The following AMBRA1 variants were observed in gnomAD, a reference collection of about 807,000 sequenced individuals.
The protein encoded by AMBRA1 is activating molecule in BECN1-regulated autophagy protein 1.
Under a neutral mutation model 125.4 loss-of-function variants are expected in AMBRA1, and 47 were observed. The observed-to-expected ratio is 0.37, with a 90% CI of 0.30 to 0.48. The LOEUF (loss-of-function observed/expected upper bound fraction) is 0.48. AMBRA1 is among the 20% of genes least tolerant of loss of function. The pLI, the probability that AMBRA1 is intolerant of heterozygous loss-of-function variation, is 0.99. For synonymous variants in AMBRA1, 626 were observed against 655.5 expected, an observed-to-expected ratio of 0.95 and a Z score of 0.69; for missense variants, 1,331 against 1,693.4, an observed-to-expected ratio of 0.79 and a Z score of 3.76.
intron 14 of AMBRA1, among the ~76,000 whole-genome samples, chr11:46,418,623 T>A (rs1040416417): frequency 6.6e-6 from 1 of 151,858 alleles, no homozygotes; most frequent in Admixed American, 6.6e-5. Flanking sequence ...ATTGTTCAGT[T>A]CCCACCTATG....
chr11:46,528,995 T>C (rs943357838), intron 7 of AMBRA1, among the ~76,000 whole-genome samples: 26 of 152,300 alleles, frequency 1.7e-4, no homozygotes, highest in Non-Finnish European at 1.0e-4. Flanking sequence ...GTTAACAAGC[T>C]GCAATTCTCT....
At chr11:46,593,774 A>G (rs1036570505) in intron 1 of AMBRA1, 54 bp downstream of exon 1, 5 of 392,874 alleles carry the variant, frequency 1.3e-5, no homozygotes, top group Non-Finnish European at 2.2e-5. Context: ...GGTCTTCTCA[A>G]CCCCGCGGCG....
chr11:46,476,250 T>C (rs576712194), intron 11 of AMBRA1, among the ~76,000 whole-genome samples: 1 of 152,214 alleles, frequency 6.6e-6, no homozygotes, highest in African/African-American at 2.4e-5. Flanking sequence ...GTTAGTTCCA[T>C]CCAGTGGCAG....
intron 5 of AMBRA1, 53 bp from the exon 6 acceptor site, chr11:46,544,094 TGAG>T: frequency 7.0e-7 from 1 of 1,424,326 alleles, no homozygotes; most frequent in South Asian, 1.2e-5. Context: ...TTATGTTAAC[TGAG>T]AAGAGGAAAC....
chr11:46,454,579 CAAAAAAAAA>C lies in AMBRA1; in HGVS notation c.2522-10990_2522-10982del, dbSNP rs777518872. Among the ~76,000 whole-genome samples, 373 of 50,494 alleles carry C rather than the reference CAAAAAAAAA, an allele frequency of 7.4e-3. 3 individuals carry two copies. The highest frequency in any genetic ancestry group is 0.016 in the African/African-American group (345 of 21,110). The allele number at this position is 50,494 out of a possible 152,430, so 33.1% of individuals were successfully genotyped here. On this transcript the variant is annotated intron_variant, in intron 11 of 17. Transcript: ENST00000683756. The stretch of plus-strand genomic sequence containing the variant: ...TGAAACCCCATCTCCACTAAAAATA[CAAAAAAAAA>C]AAAAAAAAAAAAATTCTCCGGGCGA...
At chr11:46,462,397 T>C (rs1223748212) in intron 11 of AMBRA1, among the ~76,000 whole-genome samples, 1 of 152,174 alleles carries the variant, frequency 6.6e-6, no homozygotes, top group Non-Finnish European at 1.5e-5. Context: ...ATCTTCCTCT[T>C]TACTCTCCTC....
intron 14 of AMBRA1, among the ~76,000 whole-genome samples, chr11:46,427,339 C>A (rs866370415): frequency 2.6e-5 from 4 of 152,204 alleles, no homozygotes; most frequent in Middle Eastern, 3.4e-3. Flanking sequence ...CAGCAGCAGC[C>A]ATCATTAGTC....
intron 3 of AMBRA1, 125 bp downstream of exon 3, chr11:46,547,692 G>C: frequency 1.1e-6 from 1 of 900,922 alleles, no homozygotes; most frequent in Non-Finnish European, 1.7e-6. Flanking sequence ...CCGACACGGG[G>C]CCAAAGTGCT....
At chr11:46,535,096 C>T (rs1952404068) in intron 7 of AMBRA1, among the ~76,000 whole-genome samples, 1 of 152,180 alleles carries the variant, frequency 6.6e-6, no homozygotes, top group African/African-American at 2.4e-5. Flanking sequence ...AATACTTGTT[C>T]CTCTCTCTTC....
At chr11:46,426,901 G>A (rs1363118822) in intron 14 of AMBRA1, among the ~76,000 whole-genome samples, 1 of 152,020 alleles carries the variant, frequency 6.6e-6, no homozygotes, top group Non-Finnish European at 1.5e-5. Flanking sequence ...ACCCTTCCAG[G>A]ATACAAAAAT....
chr11:46,459,316 G>A (rs1213114875), intron 11 of AMBRA1, among the ~76,000 whole-genome samples: 2 of 152,078 alleles, frequency 1.3e-5, no homozygotes, highest in Non-Finnish European at 2.9e-5. Flanking sequence ...TTGGAAGAGT[G>A]GGAAGAGAAA....
intron 1 of AMBRA1, among the ~76,000 whole-genome samples, chr11:46,571,729 C>G (rs1038287024): frequency 0.042 from 3 of 72 alleles, no homozygotes; most frequent in African/African-American, 0.094. Context: ...CCCTCTGTCG[C>G]CCCAGGCTGG....
chr11:46,493,527 C>CA, intron 11 of AMBRA1, 81 bp downstream of exon 11: 1 of 1,145,484 alleles, frequency 8.7e-7, no homozygotes, highest in Admixed American at 2.6e-5. Flanking sequence ...ACCATCACAT[C>CA]AACATAGGTA....
intron 17 of AMBRA1, among the ~76,000 whole-genome samples, chr11:46,399,474 C>T (rs1038594747): frequency 6.6e-6 from 1 of 152,034 alleles, no homozygotes; most frequent in African/African-American, 2.4e-5. Context: ...TCAAGCGATT[C>T]TCCTGCCTCA....
intron 7 of AMBRA1, among the ~76,000 whole-genome samples, chr11:46,532,444 A>C (rs2135133883): frequency 6.6e-6 from 1 of 152,272 alleles, no homozygotes; most frequent in South Asian, 2.1e-4. Context: ...GAAAGGTTGA[A>C]GAGTTCTTTT....
intron 1 of AMBRA1, among the ~76,000 whole-genome samples, chr11:46,585,591 A>G (rs1169068521): frequency 8.0e-6 from 1 of 125,184 alleles, no homozygotes; most frequent in Non-Finnish European, 1.6e-5. Context: ...GCTTGAACCA[A>G]GGAGGCGGAG....
intron 1 of AMBRA1, among the ~76,000 whole-genome samples, chr11:46,558,588 A>C (rs534615751): frequency 6.6e-6 from 1 of 150,554 alleles, no homozygotes; most frequent in Admixed American, 6.6e-5. Flanking sequence ...CTACCTACCT[A>C]GTATCTACTA....
intron 11 of AMBRA1, among the ~76,000 whole-genome samples, chr11:46,467,690 T>C (rs938529831): frequency 1.3e-5 from 2 of 151,640 alleles, no homozygotes; most frequent in Admixed American, 6.6e-5. Context: ...CACACCACCA[T>C]ACCCGGCTAA....
At chr11:46,512,057 T>G (rs993222694) in intron 8 of AMBRA1, among the ~76,000 whole-genome samples, 41 of 152,196 alleles carry the variant, frequency 2.7e-4, no homozygotes, top group African/African-American at 9.7e-4. Context: ...GGTTTTGCCA[T>G]GTTGGCCAGG....
Sources: gnomAD v4.1 joint callset for allele counts (sites outside exome capture counted in the v4.1 genomes callset) on GRCh38, gnomAD v4.1.1 for gene constraint, MANE v1.5 for transcripts, NCBI Gene and HGNC (gene_info 2026-07-23, HGNC 2026-07-21) for gene names.